POLR3E: variants seen among roughly 807,000 people sequenced by gnomAD.
POLR3E encodes the protein RNA polymerase III subunit E, also known as DNA-directed RNA polymerase III subunit RPC5.
In POLR3E, 41 loss-of-function variants were observed where a neutral mutation model predicts 96.6. The ratio of observed to expected loss-of-function variants is 0.42; its 90% CI spans 0.33 to 0.55. The LOEUF (loss-of-function observed/expected upper bound fraction) is 0.55, where lower values mean the gene tolerates loss of function less well. Ranked by LOEUF, POLR3E falls within the 20% of genes least tolerant of loss-of-function variation. POLR3E has a pLI of 0.06. For synonymous variants in POLR3E, 396 were observed against 383.6 expected (o/e 1.03, Z -0.38); for missense variants, 849 against 952.1 (o/e 0.89, Z 1.43).
intron 6 of POLR3E, among the ~76,000 whole-genome samples, chr16:22,311,776 A>G (rs2048252985): frequency 6.6e-6 from 1 of 152,134 alleles, no homozygotes; most frequent in Non-Finnish European, 1.5e-5. Flanking sequence ...GATTACAGAT[A>G]TGAGCCACTG....
At position 22,315,072 on chromosome 16, in the gene POLR3E, TC is replaced by T. The variant is rs888833336; in HGVS notation, c.523-13del. On this transcript the variant is annotated splice_polypyrimidine_tract_variant and intron_variant, in intron 8 of 20. Coordinates refer to ENST00000299853, the MANE Select transcript of POLR3E (RefSeq NM_018119.4). ...TCACAGGCCTGACGGTATGACCTCT[TC>T]CCCTTCCCACCGCAGGTGCGGTTCT... 8 of 1,612,068 alleles carry T rather than the reference TC, an allele frequency of 5.0e-6. No homozygotes were observed. Among genetic ancestry groups the T allele is most frequent in the Non-Finnish European group, 6.8e-6 (8 of 1,179,636 alleles).
At chr16:22,333,122 G>C (rs1435187984) in intron 20 of POLR3E, among the ~76,000 whole-genome samples, 2 of 149,268 alleles carry the variant, frequency 1.3e-5, no homozygotes, top group African/African-American at 4.9e-5. Flanking sequence ...TTACAGGTGT[G>C]AGCCACCATG....
chr16:22,316,627 G>T lies in POLR3E; in HGVS notation c.669G>T (p.Gln223His). Residue 223 changes from glutamine (Q) to histidine (H), a missense_variant, in exon 10 of 21, where the codon CAG (glutamine) becomes CAT (histidine). By Grantham distance (24) the Gln-to-His change is conservative. Coordinates refer to ENST00000299853, the MANE Select transcript of POLR3E (RefSeq NM_018119.4). ...ACAGTCGCTCTGAGCATGAGCGTCAGTACCTGCTGTGCCCCGGCTCAAGCG... is the reference window on the plus strand; with the variant it reads ...ACAGTCGCTCTGAGCATGAGCGTCATTACCTGCTGTGCCCCGGCTCAAGCG... ...LRDSRSEHER[Q>H]YLLCPGSSGV... 2 of 1,614,078 alleles carry T rather than the reference G, an allele frequency of 1.2e-6. No individual in the cohort carries two copies. The highest frequency in any genetic ancestry group is 1.7e-6 in the Non-Finnish European group (2 of 1,179,942).
chr16:22,298,024 C>T (rs1227828093), intron 1 of POLR3E, among the ~76,000 whole-genome samples: 1 of 152,256 alleles, frequency 6.6e-6, no homozygotes, highest in Non-Finnish European at 1.5e-5. Flanking sequence ...GCAGCTGAAC[C>T]GGATTAGCCT....
intron 8 of POLR3E, 161 bp from the exon 9 acceptor site, chr16:22,314,928 G>A: frequency 1.5e-6 from 1 of 666,024 alleles, no homozygotes; most frequent in Non-Finnish European, 2.5e-6. Flanking sequence ...AGCTCTGGGA[G>A]GGACACGGTT....
chr16:22,333,631 TTCTC>T lies in POLR3E; in HGVS notation c.2071-8_2071-5del, dbSNP rs752154374. The T allele has an allele frequency of 5.0e-6, 8 of 1,601,568 alleles. No individual in the cohort carries two copies. Among genetic ancestry groups the T allele is most frequent in the African/African-American group, 1.3e-5 (1 of 74,790 alleles). ...CTGCAAAAATCTGTGCTTACCCTGT[TTCTC>T]TCTCATAGGACTGCTGTGTAAGCTA... On this transcript the variant is annotated splice_polypyrimidine_tract_variant and intron_variant, in intron 20 of 20. Coordinates refer to ENST00000299853, the MANE Select transcript of POLR3E (RefSeq NM_018119.4).
chr16:22,298,450 C>T (rs910796924), intron 1 of POLR3E, among the ~76,000 whole-genome samples: 16 of 152,164 alleles, frequency 1.1e-4, no homozygotes, highest in Non-Finnish European at 1.9e-4. Context: ...TCCTTCCCCG[C>T]AGGGGTCTGG....
chr16:22,312,309 A>G (rs2048263035), intron 6 of POLR3E, among the ~76,000 whole-genome samples: 1 of 152,118 alleles, frequency 6.6e-6, no homozygotes, highest in Non-Finnish European at 1.5e-5. Flanking sequence ...AGCCTGGCCA[A>G]CATGATAAAA....
rs2048283130 is a variant in POLR3E at position 22,313,097 on chromosome 16, TGTGGACACTCCACCCA to T, written c.365-520_365-505del. On this transcript the variant is annotated intron_variant, in intron 6 of 20. Transcript: ENST00000299853. This position sits in a 1 kb window ranked among gnomAD's most constrained non-coding sequence, Gnocchi z 4.1. ...AAGTCATGATCTTTATCAGAGGCCA[TGTGGACACTCCACCCA>T]GTTCTAGCAGGGCCTCTTCTCCAGC... Among the ~76,000 whole-genome samples the T allele has an allele frequency of 6.6e-6, 1 of 152,008 alleles. No individual in the cohort carries two copies. Among genetic ancestry groups the T allele is most frequent in the African/African-American group, 2.4e-5 (1 of 41,446 alleles).
intron 18 of POLR3E, chr16:22,326,583 C>A: frequency 2.0e-6 from 1 of 497,542 alleles, no homozygotes; most frequent in East Asian, 3.6e-5. Flanking sequence ...CCCTGTCCCC[C>A]ACCAAGAACA....
intron 20 of POLR3E, 144 bp from the exon 21 acceptor site, chr16:22,333,500 G>T: frequency 1.7e-6 from 1 of 596,042 alleles, no homozygotes; most frequent in Non-Finnish European, 3.1e-6. Flanking sequence ...GCTGGTAGTA[G>T]CCATGGTGGT....
chr16:22,311,889 T>C (rs1327752871), intron 6 of POLR3E, among the ~76,000 whole-genome samples: 2 of 152,138 alleles, frequency 1.3e-5, no homozygotes, highest in African/African-American at 2.4e-5. Flanking sequence ...CTGGGAGCAA[T>C]AGGCCATACC....
intron 5 of POLR3E, 79 bp from the exon 6 acceptor site, chr16:22,309,349 G>A (rs1220656293): frequency 1.9e-6 from 2 of 1,075,932 alleles, no homozygotes; most frequent in Non-Finnish European, 1.4e-6. Flanking sequence ...AAAGTGTCTA[G>A]GGGGTGGGGT....
At chr16:22,300,513 G>A (rs566637393) in intron 1 of POLR3E, among the ~76,000 whole-genome samples, 2 of 152,344 alleles carry the variant, frequency 1.3e-5, no homozygotes, top group South Asian at 2.1e-4. Flanking sequence ...GAACAATTGC[G>A]TCTTGGGAAC....
Position 22,303,639 on chromosome 16 carries a change from C to CTTTTTTTTTTTTTTTTT in POLR3E, c.36+637_36+653dup, listed in dbSNP as rs58949663. On this transcript the variant is annotated intron_variant, in intron 2 of 20. Transcript: ENST00000299853. ...TACAGGCAGTGGGAGGCAGATTTCC[C>CTTTTTTTTTTTTTTTTT]TTTTTTTTTTTTTTTTTTGGAGACA... is the stretch of plus-strand genomic sequence containing the variant. 6.9e-4 allele frequency among the ~76,000 whole-genome samples: 79 copies of CTTTTTTTTTTTTTTTTT among 114,220 alleles called. 2 individuals are homozygous for CTTTTTTTTTTTTTTTTT. The highest frequency in any genetic ancestry group is 1.5e-3 in the South Asian group (6 of 3,878). 74.9% of individuals were successfully genotyped at this position (114,220 alleles called of 152,430 possible). A position where few individuals can be genotyped will look rare whatever the true frequency, so the allele number is the denominator to read the frequency against.
chr16:22,320,462 G>T (rs1299445996), intron 13 of POLR3E, among the ~76,000 whole-genome samples: 1 of 152,126 alleles, frequency 6.6e-6, no homozygotes, highest in African/African-American at 2.4e-5. Context: ...GGGTTTTGCT[G>T]TGTTGGCCAG....
In POLR3E at chr16:22,309,498, C is replaced by T. The variant is rs2048201227; in HGVS notation, c.352C>T (p.Leu118Phe). ...TAACACATCCCGTTATGCCGCTGCA[C>T]TCTACAGGCAAGGTACCCGGGGCTG... ...TSNTSRYAAA[L>F]YRQGELHLTP... Residue 118 changes from leucine (L) to phenylalanine (F), a missense_variant, in exon 6 of 21, where the codon CTC (leucine) becomes TTC (phenylalanine). Physicochemically the swap from Leu to Phe is conservative, Grantham distance 22 (BLOSUM62 0). Coordinates refer to ENST00000299853, the MANE Select transcript of POLR3E (RefSeq NM_018119.4). 6.2e-7 allele frequency: 1 copy of T among 1,613,052 alleles called. No individual in the cohort carries two copies. The highest frequency in any genetic ancestry group is 8.5e-7 in the Non-Finnish European group (1 of 1,179,162).
At chr16:22,299,129 T>A in intron 1 of POLR3E, 1 of 446,344 alleles carries the variant, frequency 2.2e-6, no homozygotes, top group Non-Finnish European at 4.5e-6. Context: ...TAAAATAGGG[T>A]GGTCAGGGAA....
intron 9 of POLR3E, 101 bp downstream of exon 9, chr16:22,315,309 A>G: frequency 7.9e-7 from 1 of 1,262,868 alleles, no homozygotes; most frequent in South Asian, 1.4e-5. Flanking sequence ...CAAATTCATG[A>G]GTCATAGCCA....
Sources: gnomAD v4.1 joint callset for allele counts (sites outside exome capture counted in the v4.1 genomes callset) on GRCh38, gnomAD v4.1.1 for gene constraint, Gnocchi (gnomAD v3.1) non-coding constraint, MANE v1.5 for transcripts, NCBI Gene and HGNC (gene_info 2026-07-23, HGNC 2026-07-21) for gene names.